The following RAB3GAP1 variants were observed in gnomAD, a reference collection of about 807,000 sequenced individuals.
RAB3GAP1 encodes the protein rab3 GTPase-activating protein catalytic subunit.
Under a neutral mutation model 130.7 loss-of-function variants are expected in RAB3GAP1, and 86 were observed. The observed-to-expected ratio is 0.66, with a 90% CI of 0.55 to 0.79. RAB3GAP1 has a LOEUF of 0.79. RAB3GAP1 is among the 30% of genes least tolerant of loss of function. The probability of loss-of-function intolerance (pLI) is 0.00; values close to 1 mark genes in which losing one functional copy is unlikely to be tolerated. For synonymous variants in RAB3GAP1, 367 were observed against 401.7 expected, an observed-to-expected ratio of 0.91 and a Z score of 1.03; for missense variants, 1,029 against 1,169.4, an observed-to-expected ratio of 0.88 and a Z score of 1.75.
chr2:135,165,869 CT>C (rs1692629966), intron 23 of RAB3GAP1, among the ~76,000 whole-genome samples: 1 of 152,142 alleles, frequency 6.6e-6, no homozygotes, highest in African/African-American at 2.4e-5. Flanking sequence ...ATTCTTTCCT[CT>C]TTGATCATTT....
At chr2:135,100,812 AT>A (rs1394203469) in intron 5 of RAB3GAP1, among the ~76,000 whole-genome samples, 10 of 152,218 alleles carry the variant, frequency 6.6e-5, no homozygotes, top group Admixed American at 6.5e-4. Context: ...CAACAATAAC[AT>A]TTTGTGATAA....
chr2:135,098,888 T>C (rs1690373661), intron 5 of RAB3GAP1, among the ~76,000 whole-genome samples: 1 of 152,222 alleles, frequency 6.6e-6, no homozygotes, highest in South Asian at 2.1e-4. Context: ...CCTTGTATCC[T>C]GTAACCTTGC....
At chr2:135,144,449 A>G (rs1265223899) in intron 17 of RAB3GAP1, among the ~76,000 whole-genome samples, 1 of 152,214 alleles carries the variant, frequency 6.6e-6, no homozygotes, top group East Asian at 1.9e-4. Flanking sequence ...AAAGGGGGGC[A>G]TGACAATGTA....
At chr2:135,069,234 T>G (rs568146964) in intron 3 of RAB3GAP1, among the ~76,000 whole-genome samples, 1 of 152,342 alleles carries the variant, frequency 6.6e-6, no homozygotes, top group South Asian at 2.1e-4. Context: ...GTATAAGATA[T>G]GCAGTGTAAA....
intron 15 of RAB3GAP1, 63 bp downstream of exon 15, chr2:135,134,096 T>C (rs1042477012): frequency 8.8e-6 from 14 of 1,590,942 alleles, no homozygotes; most frequent in Non-Finnish European, 1.2e-5. Flanking sequence ...ATTTGACTTT[T>C]GACCTATTTT....
intron 3 of RAB3GAP1, among the ~76,000 whole-genome samples, chr2:135,090,687 T>C (rs1014879952): frequency 6.6e-6 from 1 of 152,188 alleles, no homozygotes; most frequent in African/African-American, 2.4e-5. Flanking sequence ...TGTCAAAAAA[T>C]GCTATATGCT....
intron 3 of RAB3GAP1, among the ~76,000 whole-genome samples, chr2:135,065,187 C>T (rs932331930): frequency 6.6e-6 from 1 of 152,184 alleles, no homozygotes; most frequent in Non-Finnish European, 1.5e-5. Context: ...CAAACTTTGT[C>T]CGGTGTCACC....
chr2:135,141,549 G>T (rs1691839907), intron 17 of RAB3GAP1, among the ~76,000 whole-genome samples: 1 of 151,840 alleles, frequency 6.6e-6, no homozygotes, highest in Non-Finnish European at 1.5e-5. Context: ...TGATGCCTTG[G>T]GTTGAAGAGG....
intron 3 of RAB3GAP1, among the ~76,000 whole-genome samples, chr2:135,063,188 A>C (rs1260377064): frequency 2.0e-5 from 3 of 152,168 alleles, no homozygotes; most frequent in Non-Finnish European, 4.4e-5. Flanking sequence ...TAGTTTGCTG[A>C]ACGTTTTTTG....
chr2:135,126,499 T>A, intron 10 of RAB3GAP1, 84 bp from the exon 11 acceptor site: 1 of 1,304,918 alleles, frequency 7.7e-7, no homozygotes, highest in Non-Finnish European at 1.1e-6. Context: ...CCTTCTATGT[T>A]TTCATTAGAC....
intron 5 of RAB3GAP1, among the ~76,000 whole-genome samples, chr2:135,112,692 G>A (rs575232449): frequency 5.3e-5 from 8 of 152,056 alleles, no homozygotes; most frequent in Admixed American, 2.0e-4. Flanking sequence ...TTTCTCAAGC[G>A]GCAACAATAA....
intron 17 of RAB3GAP1, among the ~76,000 whole-genome samples, chr2:135,136,201 C>G (rs1398842718): frequency 6.6e-6 from 1 of 152,130 alleles, no homozygotes; most frequent in African/African-American, 2.4e-5. Flanking sequence ...TGGCGCACAC[C>G]TGTAGTTCCA....
intron 17 of RAB3GAP1, among the ~76,000 whole-genome samples, chr2:135,143,694 A>G (rs887444222): frequency 6.6e-6 from 1 of 151,556 alleles, no homozygotes; most frequent in Admixed American, 6.6e-5. Flanking sequence ...AGTAGCTGGG[A>G]CTACAGGTGC....
rs1401863763 is a variant in RAB3GAP1, at chr2:135,162,550, T to C, written c.2290-5T>C. 1.2e-6 allele frequency: 2 copies of C among 1,609,832 alleles called. No homozygotes were observed. The highest frequency in any genetic ancestry group is 1.7e-6 in the Non-Finnish European group (2 of 1,176,566). On this transcript the variant is annotated splice_region_variant and splice_polypyrimidine_tract_variant and intron_variant, in intron 19 of 23. Coordinates refer to ENST00000264158, the MANE Select transcript of RAB3GAP1 (RefSeq NM_012233.3). ...GATCATTTGTGTGCGCTGCACCTCC[T>C]TCAGGTGCTGCACTATCTGGCAATC... is the stretch of plus-strand genomic sequence containing the variant.
At chr2:135,165,908 G>A (rs540701682) in intron 23 of RAB3GAP1, among the ~76,000 whole-genome samples, 287 of 152,242 alleles carry the variant, frequency 1.9e-3, no homozygotes, top group African/African-American at 6.5e-3. Flanking sequence ...GGCTGGGTGC[G>A]GTGGCTCACG....
At chr2:135,100,890 G>T (rs557422593) in intron 5 of RAB3GAP1, among the ~76,000 whole-genome samples, 1 of 152,212 alleles carries the variant, frequency 6.6e-6, no homozygotes, top group Non-Finnish European at 1.5e-5. Context: ...AATTCAGACA[G>T]ATTAAGTCAG....
chr2:135,115,638 G>A (rs901439060), intron 7 of RAB3GAP1, among the ~76,000 whole-genome samples: 1 of 152,170 alleles, frequency 6.6e-6, no homozygotes, highest in Non-Finnish European at 1.5e-5. Context: ...TTTATTGACT[G>A]TGTTATCTCT....
chr2:135,078,677 C>T (rs1280691815), intron 3 of RAB3GAP1, among the ~76,000 whole-genome samples: 1 of 62,018 alleles, frequency 1.6e-5, no homozygotes, highest in Non-Finnish European at 2.8e-5. Context: ...CCCCTCCCCT[C>T]CCCTCCCCTC....
chr2:135,084,763 C>T lies in RAB3GAP1; in HGVS notation c.151-6235C>T, dbSNP rs111951622. Among the ~76,000 whole-genome samples, 1,422 of 152,066 alleles carry T rather than the reference C, an allele frequency of 9.4e-3. 23 individuals carry two copies. Among genetic ancestry groups the T allele is most frequent in the African/African-American group, 0.033 (1,354 of 41,482 alleles). ...TAAGCATGTAGATACTGTTAAGTACCGGGGCTGCAAAGATGAATAGAACAA... is the reference window on the plus strand; with the variant it reads ...TAAGCATGTAGATACTGTTAAGTACTGGGGCTGCAAAGATGAATAGAACAA... On this transcript the variant is annotated intron_variant, in intron 3 of 23. Transcript: ENST00000264158.
Sources: allele counts gnomAD v4.1 joint callset (sites outside exome capture counted in the v4.1 genomes callset), GRCh38; gene constraint gnomAD v4.1.1; transcripts MANE v1.5; gene names NCBI Gene and HGNC (gene_info 2026-07-23, HGNC 2026-07-21).